RANBP2: variants seen among roughly 807,000 people sequenced by gnomAD.
The protein encoded by RANBP2 is E3 SUMO-protein ligase RanBP2.
In RANBP2, 57 loss-of-function variants were observed where a neutral mutation model predicts 303.6. That is an observed-to-expected ratio of 0.19 (90% CI 0.15 to 0.23). The LOEUF (loss-of-function observed/expected upper bound fraction) is 0.23, where lower values mean the gene tolerates loss of function less well. Ranked by LOEUF, RANBP2 falls within the 10% of genes least tolerant of loss-of-function variation. The pLI is 1.00. For synonymous variants in RANBP2, 1,167 were observed against 1,301.5 expected (o/e 0.90, Z 2.23); for missense variants, 3,138 against 3,780.8 (o/e 0.83, Z 4.46).
the RANBP2 span, among the ~76,000 whole-genome samples, chr2:108,874,646 G>A: frequency 6.6e-6 from 1 of 152,102 alleles, no homozygotes; most frequent in Non-Finnish European, 1.5e-5. Flanking sequence ...GAAATTATTT[G>A]TAGATAGGGA....
the RANBP2 span, among the ~76,000 whole-genome samples, chr2:109,521,332 C>T: frequency 1.3e-5 from 2 of 152,148 alleles, no homozygotes; most frequent in African/African-American, 4.8e-5. Flanking sequence ...CAGCAGTGTC[C>T]CAGGCTGTAA....
At chr2:109,170,128 A>G in the RANBP2 span, among the ~76,000 whole-genome samples, 1 of 152,176 alleles carries the variant, frequency 6.6e-6, no homozygotes, top group Non-Finnish European at 1.5e-5. Flanking sequence ...AAGGTGTTTT[A>G]GAGGATTATA....
chr2:108,839,220 G>A, the RANBP2 span: 2 of 1,611,960 alleles, frequency 1.2e-6, no homozygotes, highest in Admixed American at 1.7e-5. Flanking sequence ...TACAGTGGAT[G>A]CCATTTGTGA....
At chr2:109,505,775 A>G in the RANBP2 span, among the ~76,000 whole-genome samples, 5 of 152,190 alleles carry the variant, frequency 3.3e-5, no homozygotes, top group African/African-American at 9.7e-5. Context: ...TCCAATGTCA[A>G]GTCTACCCTC....
At chr2:109,198,599 A>T in the RANBP2 span, among the ~76,000 whole-genome samples, 1 of 152,242 alleles carries the variant, frequency 6.6e-6, no homozygotes, top group African/African-American at 2.4e-5. Flanking sequence ...AGCTTCCAGC[A>T]GGTCTCATTC....
the RANBP2 span, among the ~76,000 whole-genome samples, chr2:109,594,216 C>T: frequency 9.9e-5 from 15 of 152,102 alleles, no homozygotes; most frequent in African/African-American, 3.6e-4. Flanking sequence ...GAATACAGCA[C>T]AAGATAATGA....
chr2:109,039,279 AAAAT>A, the RANBP2 span, among the ~76,000 whole-genome samples: 1 of 152,184 alleles, frequency 6.6e-6, no homozygotes, highest in Admixed American at 6.5e-5. Flanking sequence ...AGCCAATTCT[AAAAT>A]AAATCTCTCT....
chr2:109,607,840 T>A, the RANBP2 span, among the ~76,000 whole-genome samples: 1 of 152,296 alleles, frequency 6.6e-6, no homozygotes, highest in African/African-American at 2.4e-5. Context: ...TCCCTAGGCA[T>A]TAGGAAAGTC....
the RANBP2 span, among the ~76,000 whole-genome samples, chr2:109,162,293 G>A: frequency 9.1e-4 from 139 of 152,340 alleles, 1 homozygote; most frequent in African/African-American, 3.2e-3. Flanking sequence ...CCTAAAAGGC[G>A]CTGGTGTAAA....
the RANBP2 span, chr2:109,574,839 G>T: frequency 9.3e-7 from 1 of 1,077,816 alleles, no homozygotes. Context: ...ACTCTTAGAA[G>T]TTTGAGGTCT....
the RANBP2 span, among the ~76,000 whole-genome samples, chr2:109,290,663 A>G: frequency 1.3e-5 from 2 of 152,314 alleles, no homozygotes; most frequent in East Asian, 1.9e-4. Flanking sequence ...TGTTGTATCC[A>G]TGGTCTTTGG....
the RANBP2 span, among the ~76,000 whole-genome samples, chr2:109,716,958 C>G: frequency 6.6e-6 from 1 of 152,200 alleles, no homozygotes; most frequent in African/African-American, 2.4e-5. Flanking sequence ...GGCAACTTCT[C>G]GCAGGACTCA....
the RANBP2 span, among the ~76,000 whole-genome samples, chr2:109,676,345 G>T: frequency 6.6e-6 from 1 of 152,216 alleles, no homozygotes; most frequent in Non-Finnish European, 1.5e-5. Flanking sequence ...GTGCTCTCAG[G>T]CCCTCCAACT....
chr2:109,744,694 G>A, the RANBP2 span, among the ~76,000 whole-genome samples: 1 of 77,560 alleles, frequency 1.3e-5, no homozygotes, highest in South Asian at 5.3e-4. Context: ...ATGTCACCAG[G>A]GAACTGGAAA....
chr2:108,752,082 A>G (rs1379213964), intron 12 of RANBP2, 88 bp downstream of exon 12: 5 of 1,599,264 alleles, frequency 3.1e-6, no homozygotes, highest in Non-Finnish European at 3.4e-6. Context: ...TTTTGTTCTG[A>G]AAACAGCAGC....
chr2:109,698,202 GT>G, the RANBP2 span, among the ~76,000 whole-genome samples: 57 of 148,180 alleles, frequency 3.8e-4, no homozygotes, highest in Admixed American at 1.4e-3. Context: ...AATTAACCCA[GT>G]TTTTTTTTTG....
At chr2:109,372,867 A>T in the RANBP2 span, among the ~76,000 whole-genome samples, 1 of 152,186 alleles carries the variant, frequency 6.6e-6, no homozygotes, top group Non-Finnish European at 1.5e-5. Flanking sequence ...TGCCACACCT[A>T]CCACACAGTG....
At chr2:108,761,787 TC>T (rs1676747521) in intron 18 of RANBP2, among the ~76,000 whole-genome samples, 1 of 152,178 alleles carries the variant, frequency 6.6e-6, no homozygotes, top group South Asian at 2.1e-4. Context: ...TAATTCCACA[TC>T]ATACTGATCT....
At chr2:109,138,290 G>T in the RANBP2 span, among the ~76,000 whole-genome samples, 7 of 152,200 alleles carry the variant, frequency 4.6e-5, no homozygotes, top group African/African-American at 1.7e-4. Flanking sequence ...GCCTCCCAAA[G>T]TGCTGGGATT....
Sources: gnomAD v4.1 joint callset for allele counts (sites outside exome capture counted in the v4.1 genomes callset) on GRCh38, gnomAD v4.1.1 for gene constraint, MANE v1.5 for transcripts, NCBI Gene and HGNC (gene_info 2026-07-23, HGNC 2026-07-21) for gene names.